SCN9A: variants seen among roughly 807,000 people sequenced by gnomAD.
The protein encoded by SCN9A is sodium voltage-gated channel alpha subunit 9.
In SCN9A, 131 loss-of-function variants were observed where a neutral mutation model predicts 187.0. The ratio of observed to expected loss-of-function variants is 0.70; its 90% CI spans 0.61 to 0.81. SCN9A has a LOEUF of 0.81. SCN9A is among the 30% of genes least tolerant of loss of function. The pLI is 0.00. For synonymous variants in SCN9A, 809 were observed against 808.6 expected (o/e 1.00, Z -0.01); for missense variants, 2,252 against 2,396.6 (o/e 0.94, Z 1.26).
Position 166,199,152 on chromosome 2 carries a change from G to A in SCN9A, c.5487C>T (p.Pro1829=), listed in dbSNP as rs751325279. Residue 1829 remains proline (P), a synonymous_variant, in exon 27 of 27, where the codon CCC becomes CCT. Transcript: ENST00000642356. The part of the protein sequence containing the change: ...NKVQLIAMDL[P]MVSGDRIHCL... ...AATGGATCCGGTCACCACTAACCATGGGCAGATCCATGGCAATGAGCTGGA... is the reference window on the plus strand; with the variant it reads ...AATGGATCCGGTCACCACTAACCATAGGCAGATCCATGGCAATGAGCTGGA... 2 of 1,614,042 alleles carry A rather than the reference G, an allele frequency of 1.2e-6. No individual in the cohort carries two copies. The highest frequency in any genetic ancestry group is 1.7e-6 in the Non-Finnish European group (2 of 1,180,042).
intron 17 of SCN9A, among the ~76,000 whole-genome samples, chr2:166,252,161 T>C (rs1439957767): frequency 2.0e-5 from 3 of 152,022 alleles, no homozygotes; most frequent in Non-Finnish European, 2.9e-5. Context: ...AGGTAATATA[T>C]TGATGTTAAC....
intron 1 of SCN9A, among the ~76,000 whole-genome samples, chr2:166,368,307 G>A (rs922528444): frequency 2.0e-5 from 3 of 152,180 alleles, no homozygotes; most frequent in African/African-American, 7.2e-5. Context: ...TTAGCAAGAT[G>A]TAAACTTTTC....
intron 1 of SCN9A, among the ~76,000 whole-genome samples, chr2:166,362,728 A>G (rs1700316195): frequency 6.6e-6 from 1 of 151,814 alleles, no homozygotes; most frequent in Admixed American, 6.6e-5. Context: ...AAATTATTAA[A>G]TTATTATTTT....
chr2:166,361,393 A>C (rs1299675856), intron 1 of SCN9A, among the ~76,000 whole-genome samples: 1 of 152,142 alleles, frequency 6.6e-6, no homozygotes, highest in East Asian at 1.9e-4. Flanking sequence ...ACTAAAATGT[A>C]TGCTTATAGC....
chr2:166,248,518 G>A (rs1398567638), intron 18 of SCN9A, among the ~76,000 whole-genome samples: 1 of 152,074 alleles, frequency 6.6e-6, no homozygotes, highest in Non-Finnish European at 1.5e-5. Context: ...AAATCTTCCA[G>A]CTTCTGCCAT....
intron 1 of SCN9A, among the ~76,000 whole-genome samples, chr2:166,355,519 G>GA (rs1206139834): frequency 3.3e-4 from 50 of 151,682 alleles, no homozygotes; most frequent in African/African-American, 1.2e-3. Flanking sequence ...GTGTGTGTGT[G>GA]TGGGTGTGTG....
chr2:166,249,497 CT>C (rs1695941591), intron 18 of SCN9A: 2 of 152,192 alleles, frequency 1.3e-5, no homozygotes, highest in South Asian at 4.1e-4. Context: ...GATCCAGAGA[CT>C]GTATGAAGTC....
intron 9 of SCN9A, among the ~76,000 whole-genome samples, chr2:166,289,452 T>C (rs1697942470): frequency 6.6e-6 from 1 of 152,046 alleles, no homozygotes; most frequent in South Asian, 2.1e-4. Flanking sequence ...TCTGTTCCTG[T>C]TTTAGTTTGC....
rs1432611098 is a variant in SCN9A, at chr2:166,226,674, G to A, written c.4291C>T (p.Leu1431Phe). The change falls in exon 24 of 27, where the codon CTC (leucine) becomes TTC (phenylalanine). Residue 1431 changes from leucine to phenylalanine, a missense_variant. Leu to Phe is a conservative substitution (Grantham distance 22). This residue lies in a region of SCN9A where 368 missense variants were observed against 408.6 expected (regional missense o/e 0.90). Transcript: ENST00000642356. ...ACGACAAAATAAATATACATGTAGA[G>A]GCTATATTCATATTTGGGCTGCTTG... Reference protein sequence around the residue: ...VDKQPKYEYSLYMYIYFVVFI... With the variant: ...VDKQPKYEYSFYMYIYFVVFI... The A allele has an allele frequency of 6.3e-7, 1 of 1,579,048 alleles. No individual in the cohort carries two copies. The highest frequency in any genetic ancestry group is 2.3e-5 in the East Asian group (1 of 43,970).
intron 26 of SCN9A, among the ~76,000 whole-genome samples, chr2:166,201,149 T>A (rs2106340902): frequency 6.6e-6 from 1 of 150,656 alleles, no homozygotes; most frequent in South Asian, 2.1e-4. Context: ...TTAATAGAAC[T>A]TGGGTCAACA....
In SCN9A at chr2:166,288,430, A is replaced by G. The variant is rs371482199; in HGVS notation, c.1314+7T>C. 2.5e-6 allele frequency: 4 copies of G among 1,600,188 alleles called. No individual in the cohort carries two copies. In the African/African-American group the frequency reaches 5.4e-5, roughly 21 times the overall value. On this transcript the variant is annotated splice_region_variant and intron_variant, in intron 10 of 26. Transcript: ENST00000642356. ...TCTAGGAAGAATTTTAAATCAAATA[A>G]CAGTACCTCAGCTTCTTCTTGCTCT...
chr2:166,271,892 G>A (rs1377331054), intron 17 of SCN9A, among the ~76,000 whole-genome samples: 1 of 146,704 alleles, frequency 6.8e-6, no homozygotes, highest in African/African-American at 2.5e-5. Flanking sequence ...GAGAGAGAGA[G>A]CGATACTTTG....
rs541594618 is a variant in SCN9A at position 166,348,695 on chromosome 2, A to C, written c.-51+27002T>G. Among the ~76,000 whole-genome samples the C allele has an allele frequency of 2.0e-5, 3 of 152,196 alleles. No homozygotes were observed. The East Asian group carries it at 5.8e-4, about 30-fold the overall frequency. On this transcript the variant is annotated intron_variant, in intron 1 of 26. Transcript: ENST00000642356. ...GCCTGTCCTAAGTGGTCCCAGCCCAATTTCCTGATACTCATTCCCACCCAC... is the reference window on the plus strand; with the variant it reads ...GCCTGTCCTAAGTGGTCCCAGCCCACTTTCCTGATACTCATTCCCACCCAC...
At chr2:166,232,983 T>G (rs988966678) in intron 21 of SCN9A, among the ~76,000 whole-genome samples, 1 of 147,336 alleles carries the variant, frequency 6.8e-6, no homozygotes, top group East Asian at 2.0e-4. Context: ...ATAATTAGTA[T>G]TTATATATTA....
chr2:166,245,298 A>G (rs1369977181), intron 18 of SCN9A, among the ~76,000 whole-genome samples: 1 of 152,068 alleles, frequency 6.6e-6, no homozygotes, highest in Non-Finnish European at 1.5e-5. Context: ...ATATCCTAAT[A>G]TCAGTAAAAT....
At position 166,279,090 on chromosome 2, in the gene SCN9A, T is replaced by TGAGA. The variant is rs779168559; in HGVS notation, c.2344-778_2344-777insTCTC. Among the ~76,000 whole-genome samples, 1,226 of 152,294 alleles carry TGAGA rather than the reference T, an allele frequency of 8.1e-3. 12 individuals are homozygous for TGAGA. Among genetic ancestry groups the TGAGA allele is most frequent in the South Asian group, 0.04 (194 of 4,820 alleles). The stretch of plus-strand genomic sequence containing the variant: ...AATAGCTGTGACCAGGTAAATCCTT[T>TGAGA]CTGAGTTCACAGGGATGCAGTCGTC... On this transcript the variant is annotated intron_variant, in intron 14 of 26. Transcript: ENST00000642356.
At chr2:166,220,901 G>A (rs1338612936) in intron 24 of SCN9A, among the ~76,000 whole-genome samples, 1 of 152,008 alleles carries the variant, frequency 6.6e-6, no homozygotes, top group Non-Finnish European at 1.5e-5. Context: ...TATATGGAGA[G>A]TACCCTAAAG....
At chr2:166,348,814 C>T (rs1167739360) in intron 1 of SCN9A, among the ~76,000 whole-genome samples, 1 of 152,058 alleles carries the variant, frequency 6.6e-6, no homozygotes, top group Non-Finnish European at 1.5e-5. Context: ...TTTAAACCTA[C>T]AACTACTTTT....
intron 14 of SCN9A, among the ~76,000 whole-genome samples, chr2:166,279,133 A>G (rs116468224): frequency 2.3e-3 from 347 of 152,230 alleles, no homozygotes; most frequent in African/African-American, 8.0e-3. Flanking sequence ...GAAGGTACTT[A>G]TTTGCAAGAT....
Sources: allele counts gnomAD v4.1 joint callset (sites outside exome capture counted in the v4.1 genomes callset), GRCh38; gene constraint gnomAD v4.1.1; regional missense constraint gnomAD v4.1.1; transcripts MANE v1.5; gene names NCBI Gene and HGNC (gene_info 2026-07-23, HGNC 2026-07-21).